Variants in NRCAM observed in about 807,000 individuals in gnomAD.
The protein encoded by NRCAM is NgCAM-related cell adhesion molecule.
In NRCAM, 83 loss-of-function variants were observed where a neutral mutation model predicts 156.5. That is an observed-to-expected ratio of 0.53 (90% CI 0.44 to 0.64). The LOEUF (loss-of-function observed/expected upper bound fraction) is 0.64. Ranked by LOEUF, NRCAM falls within the 30% of genes least tolerant of loss-of-function variation. The probability of loss-of-function intolerance (pLI) is 0.00; values close to 1 mark genes in which losing one functional copy is unlikely to be tolerated. For synonymous variants in NRCAM, 538 were observed against 563.9 expected (o/e 0.95, Z 0.65); for missense variants, 1,417 against 1,597.3 (o/e 0.89, Z 1.92).
intron 28 of NRCAM, 44 bp downstream of exon 28, chr7:108,175,278 C>T (rs1462160783): frequency 6.6e-7 from 1 of 1,521,088 alleles, no homozygotes; most frequent in Non-Finnish European, 8.9e-7. Flanking sequence ...TTTCACATTG[C>T]AAATTTCACA....
chr7:108,307,943 T>C (rs1056763369), intron 3 of NRCAM, among the ~76,000 whole-genome samples: 1 of 152,158 alleles, frequency 6.6e-6, no homozygotes, highest in African/African-American at 2.4e-5. Flanking sequence ...TTGTATAGAG[T>C]ACCATGTGGA....
chr7:108,284,397 T>C (rs1181916640), intron 3 of NRCAM, among the ~76,000 whole-genome samples: 11 of 152,178 alleles, frequency 7.2e-5, no homozygotes, highest in South Asian at 4.1e-4. Flanking sequence ...TAAAAAGCTC[T>C]AACAAGGTTT....
rs571009769 is a variant in NRCAM at position 108,402,975 on chromosome 7, A to G, written c.-331-3382T>C. Among the ~76,000 whole-genome samples the G allele has an allele frequency of 9.2e-5, 14 of 152,344 alleles. No individual in the cohort carries two copies. The East Asian group carries it at 2.5e-3, about 27-fold the overall frequency. The stretch of plus-strand genomic sequence containing the variant: ...TACGAGAGAGCATGTGAAAGGTGTC[A>G]GTCCCTTGAGTCATCTCAAACCGAA... On this transcript the variant is annotated intron_variant, in intron 1 of 32. Transcript: ENST00000379028.
chr7:108,264,469 G>A (rs913197151), intron 3 of NRCAM, among the ~76,000 whole-genome samples: 2 of 152,090 alleles, frequency 1.3e-5, no homozygotes, highest in African/African-American at 4.8e-5. Context: ...TAAGGTCTTG[G>A]GTCTCACCAA....
intron 2 of NRCAM, among the ~76,000 whole-genome samples, chr7:108,358,684 C>A (rs1194396988): frequency 6.6e-6 from 1 of 152,304 alleles, no homozygotes; most frequent in African/African-American, 2.4e-5. Context: ...GCTGCTTCAG[C>A]CCCAGCGTAT....
At chr7:108,432,936 GAGAAA>G (rs1372444796) in intron 1 of NRCAM, among the ~76,000 whole-genome samples, 1 of 144,104 alleles carries the variant, frequency 6.9e-6, no homozygotes, top group Non-Finnish European at 1.5e-5. Flanking sequence ...AGAGGAGAAA[GAGAAA>G]GAGAAGGAGA....
intron 13 of NRCAM, among the ~76,000 whole-genome samples, chr7:108,203,907 C>T (rs2079568986): frequency 6.6e-6 from 1 of 152,172 alleles, no homozygotes; most frequent in African/African-American, 2.4e-5. Context: ...TGCTAGGACC[C>T]CATGATGAAG....
upstream of NRCAM, chr7:108,456,475 C>T (rs1563899268): frequency 6.6e-6 from 1 of 151,782 alleles, no homozygotes; most frequent in Non-Finnish European, 1.5e-5. Flanking sequence ...CTCCCGCCCT[C>T]TCCGCTCCCC....
intron 5 of NRCAM, among the ~76,000 whole-genome samples, chr7:108,236,551 A>T (rs933473599): frequency 1.3e-5 from 2 of 152,164 alleles, no homozygotes; most frequent in African/African-American, 2.4e-5. Context: ...CTTAACTTCT[A>T]TAAGTCCTAG....
intron 2 of NRCAM, among the ~76,000 whole-genome samples, chr7:108,394,039 C>T (rs2099769910): frequency 6.6e-6 from 1 of 152,150 alleles, no homozygotes; most frequent in South Asian, 2.1e-4. Flanking sequence ...ACAACAAAAG[C>T]CTCAGCCAAC....
Position 108,166,244 on chromosome 7 carries a change from T to C in NRCAM, c.3466+677A>G, listed in dbSNP as rs140885705. 7.8e-3 allele frequency among the ~76,000 whole-genome samples: 1,130 copies of C among 144,546 alleles called. 23 individuals are homozygous for C. Among genetic ancestry groups the C allele is most frequent in the African/African-American group, 0.029 (1,068 of 36,308 alleles). The allele number at this position is 144,546 out of a possible 152,430, so 94.8% of individuals were successfully genotyped here. On this transcript the variant is annotated intron_variant, in intron 30 of 32. Coordinates refer to ENST00000379028, the MANE Select transcript of NRCAM (RefSeq NM_001037132.4). ...AAATAAAGAATTGTGACTTTCTTTC[T>C]TTTCTTTTTTTTTTTTTTTTTGAGA...
At chr7:108,168,161 T>G in intron 29 of NRCAM, 116 bp downstream of exon 29, 1 of 1,106,808 alleles carries the variant, frequency 9.0e-7, no homozygotes, top group Non-Finnish European at 1.2e-6. Flanking sequence ...ACTCATTCAT[T>G]TAATTGGATC....
Position 108,175,689 on chromosome 7 carries a change from C to G in NRCAM, c.3152-332G>C, listed in dbSNP as rs138732821. Reference sequence around the variant, plus strand: ...GGATAGAAATTGTCAATTTTTTATGCTATCAAAGATAGTCAAATGAATAAT... The same window carrying G: ...GGATAGAAATTGTCAATTTTTTATGGTATCAAAGATAGTCAAATGAATAAT... On this transcript the variant is annotated intron_variant, in intron 27 of 32. Coordinates refer to ENST00000379028, the MANE Select transcript of NRCAM (RefSeq NM_001037132.4). Among the ~76,000 whole-genome samples, 406 of 152,194 alleles carry G rather than the reference C, an allele frequency of 2.7e-3. 1 individual carries two copies. Among genetic ancestry groups the G allele is most frequent in the Non-Finnish European group, 4.2e-3 (288 of 67,990 alleles).
chr7:108,361,077 T>C (rs1563434323), intron 2 of NRCAM, among the ~76,000 whole-genome samples: 1 of 152,050 alleles, frequency 6.6e-6, no homozygotes, highest in Non-Finnish European at 1.5e-5. Context: ...TGGGGCAAAA[T>C]ATATGACTAG....
At chr7:108,282,812 A>G (rs1269684) in intron 3 of NRCAM, among the ~76,000 whole-genome samples, 141,354 of 152,256 alleles carry the variant, frequency 0.93, 65,661 homozygotes, top group East Asian at 1. Context: ...AGTAAAAGAC[A>G]CGACCTTCAA....
chr7:108,431,767 A>T (rs963791592), intron 1 of NRCAM, among the ~76,000 whole-genome samples: 41 of 152,228 alleles, frequency 2.7e-4, no homozygotes, highest in African/African-American at 9.4e-4. Flanking sequence ...CCTGAGAAAT[A>T]AAGCGAGATG....
At chr7:108,427,236 T>A (rs890925293) in intron 1 of NRCAM, among the ~76,000 whole-genome samples, 9 of 152,124 alleles carry the variant, frequency 5.9e-5, no homozygotes, top group African/African-American at 2.2e-4. Context: ...GCATGCATAG[T>A]CTCTTCTCCA....
At chr7:108,310,341 G>A (rs2098785228) in intron 3 of NRCAM, among the ~76,000 whole-genome samples, 1 of 152,186 alleles carries the variant, frequency 6.6e-6, no homozygotes, top group Non-Finnish European at 1.5e-5. Context: ...TAGCAGCCTT[G>A]CATTTTAGCT....
At chr7:108,159,601 C>T in intron 31 of NRCAM, 60 bp from the exon 32 acceptor site, 7 of 1,290,586 alleles carry the variant, frequency 5.4e-6, no homozygotes, top group Non-Finnish European at 7.9e-6. Flanking sequence ...ATTCAAAGTC[C>T]ATGAAAGCAT....
Sources: allele counts gnomAD v4.1 joint callset (sites outside exome capture counted in the v4.1 genomes callset), GRCh38; gene constraint gnomAD v4.1.1; transcripts MANE v1.5; gene names NCBI Gene and HGNC (gene_info 2026-07-23, HGNC 2026-07-21).